Variants in ZNF469 observed in about 807,000 individuals in gnomAD.
The protein encoded by ZNF469 is zinc finger protein 469.
A neutral mutation model predicts 1.0 loss-of-function variants in ZNF469; 1 was observed. The observed-to-expected ratio is 1.00, with a 90% CI of 0.35 to 4.73. The LOEUF is 4.73. ZNF469 is among the 30% of genes most tolerant of loss of function. ZNF469 has a pLI of 0.16. For synonymous variants in ZNF469, 2,703 were observed against 2,363.4 expected (o/e 1.14, Z -4.17); for missense variants, 6,100 against 5,356.3 (o/e 1.14, Z -4.33).
the ZNF469 span, among the ~76,000 whole-genome samples, chr16:88,297,321 C>T: frequency 1.3e-5 from 2 of 152,182 alleles, no homozygotes; most frequent in Non-Finnish European, 2.9e-5. Context: ...AGCAGGGTCC[C>T]GCCAGGGATG....
the ZNF469 span, among the ~76,000 whole-genome samples, chr16:88,318,694 CGGCT>C: frequency 0.12 from 18,367 of 152,292 alleles, 1,145 homozygotes; most frequent in South Asian, 0.22. Context: ...AGCTCAGCCA[CGGCT>C]GGCTGCTCTG....
chr16:88,287,533 C>G, the ZNF469 span, among the ~76,000 whole-genome samples: 1 of 152,238 alleles, frequency 6.6e-6, no homozygotes, highest in African/African-American at 2.4e-5. Flanking sequence ...GTTTCTTTAT[C>G]AATCCCATGC....
At chr16:88,139,089 A>C in the ZNF469 span, among the ~76,000 whole-genome samples, 2 of 152,250 alleles carry the variant, frequency 1.3e-5, no homozygotes, top group Non-Finnish European at 2.9e-5. Context: ...GAAAGCTTTC[A>C]GGACTAGAAA....
the ZNF469 span, among the ~76,000 whole-genome samples, chr16:88,246,740 TGTGA>T: frequency 5.3e-5 from 8 of 152,194 alleles, no homozygotes; most frequent in African/African-American, 9.7e-5. Context: ...AAGAGGTGAC[TGTGA>T]GTGAGTGAGT....
the ZNF469 span, among the ~76,000 whole-genome samples, chr16:88,273,940 A>T: frequency 6.6e-6 from 1 of 151,876 alleles, no homozygotes; most frequent in Non-Finnish European, 1.5e-5. Flanking sequence ...GTGTAGCTGG[A>T]CTACAGGCAC....
chr16:88,162,148 G>A, the ZNF469 span, among the ~76,000 whole-genome samples: 5 of 152,154 alleles, frequency 3.3e-5, no homozygotes, highest in East Asian at 9.6e-4. Context: ...GGAAACATGA[G>A]AGTTGAGAAA....
At chr16:88,127,217 T>G in the ZNF469 span, among the ~76,000 whole-genome samples, 12 of 152,042 alleles carry the variant, frequency 7.9e-5, no homozygotes, top group African/African-American at 2.9e-4. Flanking sequence ...TGCAGGTTCT[T>G]TCCAGCGTTG....
the ZNF469 span, among the ~76,000 whole-genome samples, chr16:88,368,209 C>T: frequency 2.6e-5 from 4 of 152,240 alleles, no homozygotes; most frequent in Non-Finnish European, 4.4e-5. Flanking sequence ...GGACAGTGAC[C>T]GGGTCTCTGG....
At chr16:88,398,212 C>T (rs1182441485) in intron 1 of ZNF469, among the ~76,000 whole-genome samples, 2 of 152,126 alleles carry the variant, frequency 1.3e-5, no homozygotes, top group Admixed American at 6.5e-5. Context: ...CCTCCACCAC[C>T]CTCCTCACTA....
chr16:88,362,902 C>T, the ZNF469 span, among the ~76,000 whole-genome samples: 1 of 152,176 alleles, frequency 6.6e-6, no homozygotes, highest in African/African-American at 2.4e-5. Flanking sequence ...TTAATTTTGA[C>T]TTCCATCTTT....
At chr16:88,360,120 C>T in the ZNF469 span, among the ~76,000 whole-genome samples, 2 of 152,070 alleles carry the variant, frequency 1.3e-5, no homozygotes, top group Admixed American at 6.5e-5. Flanking sequence ...TCCCAAAGTG[C>T]TGGGATTACA....
chr16:88,425,781 T>C (rs1042715206), intron 2 of ZNF469, among the ~76,000 whole-genome samples: 2 of 152,150 alleles, frequency 1.3e-5, no homozygotes, highest in African/African-American at 4.8e-5. Flanking sequence ...GGGGCCCTCC[T>C]CCCGGGGTCA....
intron 1 of ZNF469, among the ~76,000 whole-genome samples, chr16:88,400,812 C>T (rs372592819): frequency 1.3e-5 from 2 of 151,932 alleles, no homozygotes; most frequent in East Asian, 1.9e-4. Flanking sequence ...CTCTTCAGAT[C>T]GTGTTCACGG....
the ZNF469 span, among the ~76,000 whole-genome samples, chr16:88,221,501 G>C: frequency 6.6e-6 from 1 of 152,244 alleles, no homozygotes; most frequent in South Asian, 2.1e-4. Flanking sequence ...ATGGTCTCAG[G>C]GGGACGGGAA....
chr16:88,428,310 G>T lies in ZNF469; in HGVS notation c.840G>T (p.Leu280=). 6.5e-7 allele frequency: 1 copy of T among 1,550,222 alleles called. No homozygotes were observed. Among genetic ancestry groups the T allele is most frequent in the Non-Finnish European group, 8.7e-7 (1 of 1,146,926 alleles). Residue 280 remains leucine (L), a synonymous_variant, in exon 3 of 3, where the codon CTG becomes CTT. Transcript: ENST00000565624. ...CCTTCCAGTTCCCCTTCCCGGCACTGCATGGGGCCAGCACAAAACCCTTCC... is the reference window on the plus strand; with the variant it reads ...CCTTCCAGTTCCCCTTCCCGGCACTTCATGGGGCCAGCACAAAACCCTTCC... ...GVSFQFPFPA[L]HGASTKPFPA... is the part of the protein sequence containing the mutation.
At chr16:88,186,984 A>C in the ZNF469 span, among the ~76,000 whole-genome samples, 80 of 152,188 alleles carry the variant, frequency 5.3e-4, 3 homozygotes, top group South Asian at 0.016. Flanking sequence ...AGGGAGGCAC[A>C]ATGGCAGGCT....
At chr16:88,415,313 G>A (rs1344150869) in intron 1 of ZNF469, among the ~76,000 whole-genome samples, 1 of 152,100 alleles carries the variant, frequency 6.6e-6, no homozygotes, top group Non-Finnish European at 1.5e-5. Context: ...CCAGGGCCTC[G>A]AACTGCCCAA....
At chr16:88,151,830 G>C in the ZNF469 span, among the ~76,000 whole-genome samples, 1 of 152,204 alleles carries the variant, frequency 6.6e-6, no homozygotes, top group African/African-American at 2.4e-5. The surrounding 1 kb of genome is among the most constrained non-coding windows in gnomAD (Gnocchi z 5.4). Flanking sequence ...CAATTTTTAA[G>C]GCACCTTAGT....
At chr16:88,380,578 C>T (rs2092519619), upstream of ZNF469, among the ~76,000 whole-genome samples, 1 of 149,948 alleles carries the variant, frequency 6.7e-6, no homozygotes, top group Non-Finnish European at 1.5e-5. Flanking sequence ...CGCCCTCACA[C>T]AGACATGCAC....
Sources: allele counts gnomAD v4.1 joint callset (sites outside exome capture counted in the v4.1 genomes callset), GRCh38; gene constraint gnomAD v4.1.1; non-coding constraint Gnocchi (gnomAD v3.1); transcripts MANE v1.5; gene names NCBI Gene and HGNC (gene_info 2026-07-23, HGNC 2026-07-21).